Variants in METTL15 observed in about 807,000 individuals in gnomAD.
METTL15 encodes the protein methyltransferase 15, mitochondrial 12S rRNA N4-cytidine.
In METTL15, 34 loss-of-function variants were observed where a neutral mutation model predicts 38.3. The observed-to-expected ratio is 0.89, with a 90% CI of 0.68 to 1.18. The LOEUF is 1.18. Ranked by LOEUF, METTL15 falls within the 50% of genes most tolerant of loss-of-function variation. The pLI, the probability that METTL15 is intolerant of heterozygous loss-of-function variation, is 0.00. For missense variants in METTL15, 438 were observed against 498.4 expected (o/e 0.88, Z 1.15); for synonymous variants, 162 against 170.9 (o/e 0.95, Z 0.41).
intron 4 of METTL15, among the ~76,000 whole-genome samples, chr11:28,236,588 T>G (rs953609754): frequency 6.6e-6 from 1 of 152,186 alleles, no homozygotes; most frequent in Non-Finnish European, 1.5e-5. Context: ...ATTGGAGCAT[T>G]TAGTCCATTT....
chr11:28,235,057 T>C (rs961775339), intron 4 of METTL15, among the ~76,000 whole-genome samples: 5 of 152,204 alleles, frequency 3.3e-5, no homozygotes, highest in African/African-American at 1.2e-4. Flanking sequence ...ATTTATTAAA[T>C]AGGGACTCCT....
At chr11:28,489,551 A>G (rs866834512) in intron 6 of METTL15, among the ~76,000 whole-genome samples, 10 of 152,062 alleles carry the variant, frequency 6.6e-5, no homozygotes, top group African/African-American at 2.4e-4. Context: ...TTATCACAGT[A>G]TGAAGCAGAA....
intron 6 of METTL15, among the ~76,000 whole-genome samples, chr11:28,468,046 A>G (rs528636533): frequency 1.2e-4 from 15 of 127,232 alleles, no homozygotes; most frequent in African/African-American, 4.5e-4. Context: ...CAATCTAAGC[A>G]TAAAACTTAA....
At chr11:28,310,916 G>GCT (rs1451407506) in intron 6 of METTL15, among the ~76,000 whole-genome samples, 13,959 of 89,728 alleles carry the variant, frequency 0.16, 808 homozygotes, top group East Asian at 0.21. Flanking sequence ...TGCTGCTGCT[G>GCT]GTGGTGGTGG....
intron 5 of METTL15, among the ~76,000 whole-genome samples, chr11:28,379,328 T>A (rs912396036): frequency 1.3e-5 from 2 of 152,148 alleles, no homozygotes; most frequent in African/African-American, 4.8e-5. Context: ...TTCTGCTTTT[T>A]TGATATAGGT....
intron 3 of METTL15, among the ~76,000 whole-genome samples, chr11:28,143,998 G>C (rs1849792562): frequency 6.6e-6 from 1 of 152,148 alleles, no homozygotes; most frequent in Non-Finnish European, 1.5e-5. Context: ...AGCAGGCACT[G>C]ATTGCCTATT....
intron 4 of METTL15, among the ~76,000 whole-genome samples, chr11:28,237,195 G>A (rs1471778497): frequency 6.6e-6 from 1 of 152,168 alleles, no homozygotes; most frequent in Non-Finnish European, 1.5e-5. Context: ...CCTGCAGAGT[G>A]TTTTCCAACT....
intron 3 of METTL15, among the ~76,000 whole-genome samples, chr11:28,143,948 G>A (rs1849789755): frequency 6.6e-6 from 1 of 152,136 alleles, no homozygotes; most frequent in Non-Finnish European, 1.5e-5. Flanking sequence ...TCTTTGAAAA[G>A]CCTTTTTTGA....
At chr11:28,421,125 T>G (rs1850816576) in intron 5 of METTL15, among the ~76,000 whole-genome samples, 1 of 151,874 alleles carries the variant, frequency 6.6e-6, no homozygotes, top group Admixed American at 6.6e-5. Context: ...ATGAATAAAA[T>G]TTCTAGATAC....
At chr11:28,186,126 A>G (rs1283789382) in intron 3 of METTL15, among the ~76,000 whole-genome samples, 1 of 151,028 alleles carries the variant, frequency 6.6e-6, no homozygotes, top group African/African-American at 2.4e-5. Flanking sequence ...TATGGCCAGG[A>G]AAGACAGTAA....
intron 6 of METTL15, among the ~76,000 whole-genome samples, chr11:28,436,524 G>A (rs954374994): frequency 1.1e-4 from 17 of 151,512 alleles, no homozygotes; most frequent in Admixed American, 9.9e-4. Context: ...CCTTGGTTGG[G>A]AAATTTCAGC....
chr11:28,235,480 C>A (rs376151833), intron 4 of METTL15, among the ~76,000 whole-genome samples: 3 of 151,916 alleles, frequency 2.0e-5, no homozygotes, highest in Admixed American at 6.6e-5. Flanking sequence ...CTTTTATTTC[C>A]TTGAGCAGTG....
intron 6 of METTL15, among the ~76,000 whole-genome samples, chr11:28,328,580 T>G (rs1849713067): frequency 6.6e-6 from 1 of 152,096 alleles, no homozygotes; most frequent in South Asian, 2.1e-4. Flanking sequence ...GAAACACTAC[T>G]TCTCTATGGG....
At chr11:28,187,904 T>G (rs1338885941) in intron 3 of METTL15, among the ~76,000 whole-genome samples, 1 of 151,282 alleles carries the variant, frequency 6.6e-6, no homozygotes, top group African/African-American at 2.4e-5. Flanking sequence ...AAATAAATTT[T>G]TAAAATGTAT....
At chr11:28,165,775 T>G (rs1042302932) in intron 3 of METTL15, among the ~76,000 whole-genome samples, 2 of 152,114 alleles carry the variant, frequency 1.3e-5, no homozygotes, top group African/African-American at 4.8e-5. Flanking sequence ...TTCTAGTAGT[T>G]TTCGTATTTT....
At chr11:28,170,934 C>T (rs1014835432) in intron 3 of METTL15, among the ~76,000 whole-genome samples, 6 of 152,104 alleles carry the variant, frequency 3.9e-5, no homozygotes, top group African/African-American at 1.4e-4. Context: ...TGTACCCAGC[C>T]CCTATTCAAG....
In METTL15 at chr11:28,167,665, G is replaced by C. The variant is rs576642391; in HGVS notation, c.271-43397G>C. ...GGCTTACATAAGATGAGATGGAGTA[G>C]CATTTCCTATCACAGAATCCCACAG... On this transcript the variant is annotated intron_variant, in intron 3 of 6. Coordinates refer to ENST00000407364, the MANE Select transcript of METTL15 (RefSeq NM_001113528.2). Among the ~76,000 whole-genome samples the C allele has an allele frequency of 7.9e-5, 12 of 151,564 alleles. No homozygotes were observed. The South Asian group carries it at 1.3e-3, about 16-fold the overall frequency.
intron 3 of METTL15, among the ~76,000 whole-genome samples, chr11:28,205,192 G>A (rs928184129): frequency 2.0e-5 from 3 of 151,734 alleles, no homozygotes; most frequent in African/African-American, 7.3e-5. Context: ...TGCCATGCTG[G>A]TGTGCTGCAC....
intron 5 of METTL15, among the ~76,000 whole-genome samples, chr11:28,413,642 G>A (rs995432732): frequency 6.6e-6 from 1 of 152,144 alleles, no homozygotes; most frequent in Non-Finnish European, 1.5e-5. Flanking sequence ...GGGTTGGTCA[G>A]ATGGATTGAA....
Sources: allele counts gnomAD v4.1 joint callset (sites outside exome capture counted in the v4.1 genomes callset), GRCh38; gene constraint gnomAD v4.1.1; transcripts MANE v1.5; gene names NCBI Gene and HGNC (gene_info 2026-07-23, HGNC 2026-07-21).